Variants in DLEC1 observed in about 807,000 individuals in gnomAD.
The protein encoded by DLEC1 is DLEC1 cilia and flagella associated protein.
In DLEC1, 146 loss-of-function variants were observed where a neutral mutation model predicts 198.1. The ratio of observed to expected loss-of-function variants is 0.74; its 90% CI spans 0.64 to 0.85. The LOEUF (loss-of-function observed/expected upper bound fraction) is 0.85, where lower values mean the gene tolerates loss of function less well. Ranked by LOEUF, DLEC1 falls within the 40% of genes least tolerant of loss-of-function variation. The pLI is 0.00. For missense variants in DLEC1, 2,233 were observed against 2,220.0 expected (o/e 1.01, Z -0.12); for synonymous variants, 897 against 866.8 (o/e 1.03, Z -0.61).
At chr3:38,046,619 A>G (rs1014866264) in intron 2 of DLEC1, among the ~76,000 whole-genome samples, 2 of 152,160 alleles carry the variant, frequency 1.3e-5, no homozygotes, top group African/African-American at 4.8e-5. Flanking sequence ...ATGAAAATGG[A>G]CTAATACAAG....
At position 38,116,520 on chromosome 3, in the gene DLEC1, G is replaced by A. The variant is rs1320970849; in HGVS notation, c.3924G>A (p.Val1308=). 5.0e-6 allele frequency: 8 copies of A among 1,614,024 alleles called. No homozygotes were observed. The highest frequency in any genetic ancestry group is 5.9e-6 in the Non-Finnish European group (7 of 1,180,010). The change falls in exon 28 of 37, where the codon GTG becomes GTA. Residue 1308 remains valine (V), a synonymous_variant. Transcript: ENST00000308059. ...AAGACCGGCTGGTGGAGCTGCTGGTGTTTTATGGGCCACCTTTCCCGCTGC... is the reference window on the plus strand; with the variant it reads ...AAGACCGGCTGGTGGAGCTGCTGGTATTTTATGGGCCACCTTTCCCGCTGC... ...DKEDRLVELL[V]FYGPPFPLRD... is the part of the protein sequence containing the mutation.
At position 38,085,359 on chromosome 3, in the gene DLEC1, T is replaced by C. The variant is rs781445068; in HGVS notation, c.1347T>C (p.Asp449=). Reference sequence around the variant, plus strand: ...AGTTTTTTCCCGACTGCCTTGGGGATTTTGATGATTTTATTTTAGTGGAGA... The same window carrying C: ...AGTTTTTTCCCGACTGCCTTGGGGACTTTGATGATTTTATTTTAGTGGAGA... The part of the protein sequence containing the change: ...IVQFFPDCLG[D]FDDFILVETQ... The change falls in exon 8 of 37, where the codon GAT becomes GAC. Residue 449 remains aspartate (D), a synonymous_variant. Coordinates refer to ENST00000308059, the MANE Select transcript of DLEC1 (RefSeq NM_007335.4). The C allele has an allele frequency of 6.2e-7, 1 of 1,614,102 alleles. No individual in the cohort carries two copies. Among genetic ancestry groups the C allele is most frequent in the Admixed American group, 1.7e-5 (1 of 60,022 alleles).
chr3:38,102,180 A>T (rs544535745), intron 19 of DLEC1, among the ~76,000 whole-genome samples: 1 of 151,780 alleles, frequency 6.6e-6, no homozygotes, highest in East Asian at 1.9e-4. Flanking sequence ...TCCCCTATTG[A>T]CAAGGGCCCT....
rs773914109 is a variant in DLEC1, at chr3:38,118,013, G to A, written c.4693G>A (p.Glu1565Lys). 13 of 1,602,790 alleles carry A rather than the reference G, an allele frequency of 8.1e-6. No individual in the cohort carries two copies. Among genetic ancestry groups the A allele is most frequent in the East Asian group, 2.3e-5 (1 of 44,178 alleles). Residue 1565 changes from glutamate to lysine, a missense_variant, in exon 33 of 37, where the codon GAG becomes AAG. Glu to Lys is a moderately conservative substitution (Grantham distance 56). Coordinates refer to ENST00000308059, the MANE Select transcript of DLEC1 (RefSeq NM_007335.4). ...ADKQLVLQAQ[E>K]NMLVNVSFSL... ...CAAGCAGCTGGTGCTCCAAGCACAG[G>A]AGAACATGCTGGTCAGTGGGGGAGT...
At chr3:38,111,640 C>A in intron 23 of DLEC1, 37 bp from the exon 24 acceptor site, 1 of 1,601,968 alleles carries the variant, frequency 6.2e-7, no homozygotes, top group South Asian at 1.1e-5. Context: ...ACAGGCTTGT[C>A]TGACTTGATA....
Position 38,096,538 on chromosome 3 carries a change from G to A in DLEC1, c.2172-31G>A, listed in dbSNP as rs59745757. 7,070 of 1,595,912 alleles carry A rather than the reference G, an allele frequency of 4.4e-3. 289 individuals carry two copies. In the African/African-American group the frequency reaches 0.084, roughly 19 times the overall value. On this transcript the variant is annotated intron_variant, in intron 14 of 36. Coordinates refer to ENST00000308059, the MANE Select transcript of DLEC1 (RefSeq NM_007335.4). ...TCTAGGATGTGCTTCCAGGTGTGCC[G>A]GCTCCTAGCTAACGGTGGGTTTGTG...
At chr3:38,048,388 T>C (rs533033744) in intron 2 of DLEC1, among the ~76,000 whole-genome samples, 42 of 152,384 alleles carry the variant, frequency 2.8e-4, no homozygotes, top group Non-Finnish European at 4.4e-4. Flanking sequence ...TTAGGAGACC[T>C]GTTATATCTA....
In DLEC1 at chr3:38,118,092, G is replaced by C. The variant is rs1700280065; in HGVS notation, c.4704+68G>C. The C allele has an allele frequency of 4.0e-6, 6 of 1,507,372 alleles. No homozygotes were observed. The African/African-American group carries it at 5.5e-5, about 14-fold the overall frequency. 93.4% of individuals were successfully genotyped at this position (1,507,372 alleles called of 1,614,324 possible). On this transcript the variant is annotated intron_variant, in intron 33 of 36. Transcript: ENST00000308059. ...TCACATGTGTACAGACAGCACCCCT[G>C]CACGCCACCCTCAGGTGCTTGTACC...
At chr3:38,118,176 TC>T in intron 33 of DLEC1, 152 bp downstream of exon 33, 1 of 844,058 alleles carries the variant, frequency 1.2e-6, no homozygotes. Flanking sequence ...GGGGGTGCAC[TC>T]CCACCAGAGA....
At chr3:38,110,557 C>T (rs781708176) in intron 23 of DLEC1, among the ~76,000 whole-genome samples, 3 of 152,096 alleles carry the variant, frequency 2.0e-5, no homozygotes, top group Admixed American at 6.5e-5. Context: ...GGCAGATGGG[C>T]CTGTAGTGAG....
Position 38,092,767 on chromosome 3 carries a change from G to C in DLEC1, c.1666-23G>C. ...TGGAAGCCCTTTAATGGGAGGTAACGGAACAACCCTTCTCTCCCCCAGGTC... is the reference window on the plus strand; with the variant it reads ...TGGAAGCCCTTTAATGGGAGGTAACCGAACAACCCTTCTCTCCCCCAGGTC... On this transcript the variant is annotated intron_variant, in intron 10 of 36. Transcript: ENST00000308059. 3 of 1,611,640 alleles carry C rather than the reference G, an allele frequency of 1.9e-6. No individual in the cohort carries two copies. In the African/African-American group the frequency reaches 4.0e-5, roughly 22 times the overall value.
At chr3:38,089,782 C>A (rs1263286425) in intron 10 of DLEC1, among the ~76,000 whole-genome samples, 3 of 152,152 alleles carry the variant, frequency 2.0e-5, no homozygotes, top group Admixed American at 6.5e-5. Context: ...AAGGCTTTCC[C>A]CTTGGCATTT....
intron 10 of DLEC1, among the ~76,000 whole-genome samples, chr3:38,089,758 T>C (rs1296593602): frequency 1.3e-5 from 2 of 152,144 alleles, no homozygotes; most frequent in Non-Finnish European, 2.9e-5. Flanking sequence ...AGGGGAGCAG[T>C]GAGGGAGCTG....
chr3:38,044,762 C>T (rs959751397), intron 1 of DLEC1, among the ~76,000 whole-genome samples: 9 of 152,080 alleles, frequency 5.9e-5, no homozygotes, highest in Admixed American at 1.3e-4. Flanking sequence ...CTTCTTGCCT[C>T]GAGAAGTCTG....
chr3:38,085,450 G>A lies in DLEC1; in HGVS notation c.1435+3G>A. ...GAGGCCGCCCCCCGTGCTGACATGT[G>A]AGTGTGCACCGTAGCTTCCCACAGA... On this transcript the variant is annotated splice_donor_region_variant and intron_variant, in intron 8 of 36. Transcript: ENST00000308059. 6.2e-7 allele frequency: 1 copy of A among 1,613,588 alleles called. No homozygotes were observed. The highest frequency in any genetic ancestry group is 8.5e-7 in the Non-Finnish European group (1 of 1,179,868).
At chr3:38,109,208 G>A (rs948804146) in intron 21 of DLEC1, among the ~76,000 whole-genome samples, 7 of 152,210 alleles carry the variant, frequency 4.6e-5, no homozygotes, top group Non-Finnish European at 7.3e-5. Flanking sequence ...ACGTGGGCAT[G>A]CCCAGATATT....
intron 14 of DLEC1, 68 bp downstream of exon 14, chr3:38,096,014 G>T (rs1345789070): frequency 6.3e-7 from 1 of 1,591,234 alleles, no homozygotes; most frequent in East Asian, 2.2e-5. Flanking sequence ...GGGTTCTCCT[G>T]GGGAAGGTAT....
In DLEC1 at chr3:38,122,348, G is replaced by C. The variant is rs1452502612; in HGVS notation, c.5204G>C (p.Cys1735Ser). The part of the protein sequence containing the change: ...VVEGVLGEKS[C>S]TLRLRGQGSY... ...GAAGGTGTGCTCGGTGAGAAGTCCT[G>C]CACCCTGCGGCTCCGGGGCCAAGGC... Residue 1735 changes from cysteine to serine, a missense_variant, in exon 37 of 37, where the codon TGC becomes TCC. Transcript: ENST00000308059. 5.0e-6 allele frequency: 8 copies of C among 1,614,192 alleles called. No homozygotes were observed. Among genetic ancestry groups the C allele is most frequent in the Non-Finnish European group, 5.9e-6 (7 of 1,180,038 alleles).
Position 38,122,210 on chromosome 3 carries a change from A to G in DLEC1, c.5144+16A>G. On this transcript the variant is annotated intron_variant, in intron 36 of 36. Transcript: ENST00000308059. ...TCACTGCCAGGTGCAGCCCCTTCCA[A>G]CCTTCCCCAAACTGCCCACAGAGCC... 6.2e-7 allele frequency: 1 copy of G among 1,611,820 alleles called. No homozygotes were observed. The highest frequency in any genetic ancestry group is 8.5e-7 in the Non-Finnish European group (1 of 1,178,614).
Sources: gnomAD v4.1 joint callset for allele counts (sites outside exome capture counted in the v4.1 genomes callset) on GRCh38, gnomAD v4.1.1 for gene constraint, MANE v1.5 for transcripts, NCBI Gene and HGNC (gene_info 2026-07-23, HGNC 2026-07-21) for gene names.